Variants in DPF3 observed in about 807,000 individuals in gnomAD.
DPF3 encodes the protein double PHD fingers 3, also known as zinc finger protein DPF3.
In DPF3, 18 loss-of-function variants were observed where a neutral mutation model predicts 56.8. The ratio of observed to expected loss-of-function variants is 0.32; its 90% CI spans 0.22 to 0.47. The LOEUF is 0.47. DPF3 is among the 20% of genes least tolerant of loss of function. DPF3 has a pLI of 1.00. For synonymous variants in DPF3, 188 were observed against 180.2 expected (o/e 1.04, Z -0.35); for missense variants, 403 against 488.8 (o/e 0.82, Z 1.65).
intron 1 of DPF3, among the ~76,000 whole-genome samples, chr14:72,883,910 G>C (rs961255981): frequency 2.9e-5 from 4 of 139,922 alleles, no homozygotes; most frequent in African/African-American, 1.0e-4. Context: ...CTAGGCGACA[G>C]AGTGAGACTC....
At chr14:72,740,172 G>A (rs984950402) in intron 3 of DPF3, among the ~76,000 whole-genome samples, 10 of 152,214 alleles carry the variant, frequency 6.6e-5, no homozygotes, top group Non-Finnish European at 1.2e-4. Context: ...CGGTGAGCCA[G>A]GGGGATGGTA....
At position 72,763,495 on chromosome 14, in the gene DPF3, C is replaced by T. The variant is rs201818990; in HGVS notation, c.193+8238G>A. 2.2e-4 allele frequency among the ~76,000 whole-genome samples: 33 copies of T among 152,116 alleles called. No individual in the cohort carries two copies. In the East Asian group the frequency reaches 5.0e-3, roughly 23 times the overall value. ...GACAAGCCAATTAAGTGGAGAAAGA[C>T]GAGTCTTTTCAGCAAACTATGTTGA... On this transcript the variant is annotated intron_variant, in intron 2 of 10. Transcript: ENST00000556509.
chr14:72,745,074 A>G (rs1890271367), intron 3 of DPF3, among the ~76,000 whole-genome samples: 3 of 146,822 alleles, frequency 2.0e-5, no homozygotes, highest in Non-Finnish European at 3.0e-5. Flanking sequence ...TGAGGAAAAG[A>G]CAGGCATCCT....
intron 2 of DPF3, among the ~76,000 whole-genome samples, chr14:72,756,966 G>GAA (rs1385544823): frequency 4.2e-4 from 52 of 123,154 alleles, no homozygotes; most frequent in South Asian, 3.8e-3. Context: ...GGAAAGAGGG[G>GAA]GAGAGAGGGA....
At chr14:72,724,613 T>C in intron 4 of DPF3, among the ~76,000 whole-genome samples, 1 of 151,776 alleles carries the variant, frequency 6.6e-6, no homozygotes, top group East Asian at 1.9e-4. Flanking sequence ...TAAAAGACTG[T>C]AGCAGAGGAC....
At chr14:72,862,638 C>G (rs1885482790) in intron 1 of DPF3, among the ~76,000 whole-genome samples, 1 of 152,130 alleles carries the variant, frequency 6.6e-6, no homozygotes, top group Non-Finnish European at 1.5e-5. Context: ...CACATGGCTT[C>G]CCTTGCTGTT....
At chr14:72,839,792 TG>T (rs1162439909) in intron 1 of DPF3, among the ~76,000 whole-genome samples, 1 of 152,148 alleles carries the variant, frequency 6.6e-6, no homozygotes, top group Non-Finnish European at 1.5e-5. Context: ...GCTGAGTTTG[TG>T]GAAGTAGCAA....
intron 1 of DPF3, among the ~76,000 whole-genome samples, chr14:72,812,726 G>A (rs1883110537): frequency 6.6e-6 from 1 of 152,132 alleles, no homozygotes. Context: ...CACTTTTTCT[G>A]CTGACACAGA....
intron 3 of DPF3, among the ~76,000 whole-genome samples, chr14:72,739,615 A>C (rs969657100): frequency 3.3e-5 from 5 of 152,212 alleles, no homozygotes; most frequent in Non-Finnish European, 5.9e-5. Context: ...GAGGATGGAA[A>C]CAAACGGAAT....
At chr14:72,881,323 G>C (rs1259006915) in intron 1 of DPF3, among the ~76,000 whole-genome samples, 1 of 151,974 alleles carries the variant, frequency 6.6e-6, no homozygotes, top group East Asian at 1.9e-4. Context: ...TGTTGTTGTT[G>C]TTGTTGTTGT....
chr14:72,868,162 T>C (rs898337387), intron 1 of DPF3, among the ~76,000 whole-genome samples: 1 of 152,158 alleles, frequency 6.6e-6, no homozygotes. Context: ...CTGAACATCG[T>C]AAGATTCAAT....
intron 1 of DPF3, among the ~76,000 whole-genome samples, chr14:72,847,223 G>A (rs1178835346): frequency 3.3e-5 from 5 of 152,126 alleles, no homozygotes; most frequent in South Asian, 2.1e-4. Flanking sequence ...ACCAGACCGC[G>A]TCCTAAGAGC....
intron 1 of DPF3, among the ~76,000 whole-genome samples, chr14:72,872,909 A>G (rs1435322924): frequency 2.0e-5 from 3 of 152,248 alleles, no homozygotes; most frequent in Admixed American, 2.0e-4. Flanking sequence ...TACACCTTAT[A>G]CTAAAATTAA....
At chr14:72,714,133 G>C (rs773326238) in intron 6 of DPF3, among the ~76,000 whole-genome samples, 1 of 152,240 alleles carries the variant, frequency 6.6e-6, no homozygotes, top group Non-Finnish European at 1.5e-5. Flanking sequence ...GCGTGAGAGA[G>C]AGAGCCGGAG....
chr14:72,620,050 C>T, intron 9 of DPF3, 66 bp from the exon 10 acceptor site: 1 of 1,449,414 alleles, frequency 6.9e-7, no homozygotes, highest in Non-Finnish European at 9.1e-7. Flanking sequence ...TGTCTGGCCC[C>T]CGCTTACCCA....
chr14:72,683,984 G>T (rs989151263), intron 7 of DPF3, among the ~76,000 whole-genome samples: 6 of 152,170 alleles, frequency 3.9e-5, no homozygotes, highest in East Asian at 1.9e-4. Flanking sequence ...AGTTTGGGTT[G>T]TATTCAAACG....
intron 8 of DPF3, among the ~76,000 whole-genome samples, chr14:72,658,312 TA>T (rs1359777270): frequency 6.6e-6 from 1 of 152,154 alleles, no homozygotes; most frequent in Non-Finnish European, 1.5e-5. Flanking sequence ...AAAAAATTTG[TA>T]AAAGTCTATA....
intron 6 of DPF3, among the ~76,000 whole-genome samples, chr14:72,697,462 A>T (rs1887953426): frequency 6.6e-6 from 1 of 152,178 alleles, no homozygotes; most frequent in Admixed American, 6.5e-5. Context: ...CATGAGCAGG[A>T]CTTCAGCAGG....
rs1274652554 is a variant in DPF3, at chr14:72,799,192, A to G, written c.33-27299T>C. Among the ~76,000 whole-genome samples the G allele has an allele frequency of 2.0e-5, 3 of 151,980 alleles. No homozygotes were observed. The East Asian group carries it at 5.8e-4, about 29-fold the overall frequency. On this transcript the variant is annotated intron_variant, in intron 1 of 10. Transcript: ENST00000556509. ...TTGTAATACCTCCATCCTTCCATCA[A>G]CCCATCCTCCCTATGGTGGACATAG... is the stretch of plus-strand genomic sequence containing the variant.
Sources: allele counts gnomAD v4.1 joint callset (sites outside exome capture counted in the v4.1 genomes callset), GRCh38; gene constraint gnomAD v4.1.1; transcripts MANE v1.5; gene names NCBI Gene and HGNC (gene_info 2026-07-23, HGNC 2026-07-21).